The following ZBTB46 variants were observed in gnomAD, a reference collection of about 807,000 sequenced individuals.
ZBTB46 encodes the protein zinc finger and BTB domain containing 46, also known as zinc finger and BTB domain-containing protein 46.
Under a neutral mutation model 44.1 loss-of-function variants are expected in ZBTB46, and 8 were observed. That is an observed-to-expected ratio of 0.18 (90% CI 0.11 to 0.33). ZBTB46 has a LOEUF of 0.33. Ranked by LOEUF, ZBTB46 falls within the 10% of genes least tolerant of loss-of-function variation. The pLI, the probability that ZBTB46 is intolerant of heterozygous loss-of-function variation, is 1.00. For synonymous variants in ZBTB46, 409 were observed against 382.3 expected, an observed-to-expected ratio of 1.07 and a Z score of -0.81; for missense variants, 651 against 847.7, an observed-to-expected ratio of 0.77 and a Z score of 2.88.
intron 1 of ZBTB46, among the ~76,000 whole-genome samples, chr20:63,824,222 G>A (rs535805933): frequency 1.2e-4 from 18 of 152,208 alleles, no homozygotes; most frequent in African/African-American, 4.3e-4. Context: ...ATGGGAGGAG[G>A]AAGAAATGGG....
chr20:63,773,805 C>T (rs1033931032), intron 3 of ZBTB46, among the ~76,000 whole-genome samples: 6 of 152,322 alleles, frequency 3.9e-5, no homozygotes, highest in South Asian at 2.1e-4. Flanking sequence ...ACGTGCCCAG[C>T]GCTCCATCTG....
chr20:63,818,438 G>T (rs1262401263), intron 1 of ZBTB46, among the ~76,000 whole-genome samples: 2 of 152,260 alleles, frequency 1.3e-5, no homozygotes, highest in African/African-American at 2.4e-5. Context: ...TGCAGAGGGA[G>T]GGTGGGCCAG....
chr20:63,745,155 G>A lies in ZBTB46; in HGVS notation c.*1775C>T, dbSNP rs1213486184. On this transcript the variant is annotated 3_prime_UTR_variant, in exon 5 of 5. Coordinates refer to ENST00000245663, the MANE Select transcript of ZBTB46 (RefSeq NM_001369741.1). ...CAGAGCCACCCACCTTGCTCGGTAA[G>A]AGTGGGCAGGGCTCACCGCTGAGGG... is the stretch of plus-strand genomic sequence containing the variant. The A allele has an allele frequency of 6.6e-6, 1 of 152,336 alleles. No individual in the cohort carries two copies. Among genetic ancestry groups the A allele is most frequent in the Non-Finnish European group, 1.5e-5 (1 of 68,074 alleles). The allele number at this position is 152,336 out of a possible 1,614,324, so 9.4% of individuals were successfully genotyped here. A position where few individuals can be genotyped will look rare whatever the true frequency, so the allele number is the denominator to read the frequency against.
At chr20:63,753,196 C>G (rs1328918140) in intron 3 of ZBTB46, among the ~76,000 whole-genome samples, 1 of 152,210 alleles carries the variant, frequency 6.6e-6, no homozygotes, top group Non-Finnish European at 1.5e-5. Context: ...CTGCAGGACC[C>G]TCCTTCCAGC....
chr20:63,773,619 T>C (rs997519017), intron 3 of ZBTB46, among the ~76,000 whole-genome samples: 1 of 149,616 alleles, frequency 6.7e-6, no homozygotes, highest in African/African-American at 2.5e-5. Flanking sequence ...GAGGGAGGCC[T>C]GGGATCCCCC....
At chr20:63,769,127 G>T in intron 3 of ZBTB46, 1 of 925,852 alleles carries the variant, frequency 1.1e-6, no homozygotes, top group Non-Finnish European at 1.3e-6. Flanking sequence ...CCACCAAAGT[G>T]CCTCCTCGGA....
chr20:63,827,598 G>A (rs1449922775), intron 1 of ZBTB46, among the ~76,000 whole-genome samples: 7 of 140,506 alleles, frequency 5.0e-5, no homozygotes, highest in African/African-American at 8.1e-5. Flanking sequence ...CTGGGCGACA[G>A]AGCGAGACTC....
At chr20:63,772,732 CA>C (rs2092385786) in intron 3 of ZBTB46, among the ~76,000 whole-genome samples, 5 of 57,302 alleles carry the variant, frequency 8.7e-5, no homozygotes, top group Non-Finnish European at 1.7e-4. Context: ...AACACACACA[CA>C]CACACACACA....
chr20:63,766,088 C>G (rs922599905), intron 3 of ZBTB46, among the ~76,000 whole-genome samples: 1 of 152,114 alleles, frequency 6.6e-6, no homozygotes, highest in African/African-American at 2.4e-5. Context: ...AGGGTGTGCC[C>G]TGCCCATGAA....
intron 1 of ZBTB46, among the ~76,000 whole-genome samples, chr20:63,795,747 C>T (rs1443361545): frequency 6.6e-6 from 1 of 152,208 alleles, no homozygotes; most frequent in Admixed American, 6.5e-5. Context: ...GAATGACCAC[C>T]GGCAAACAGG....
chr20:63,769,462 T>G, intron 3 of ZBTB46: 3 of 983,746 alleles, frequency 3.0e-6, no homozygotes, highest in Non-Finnish European at 3.6e-6. Flanking sequence ...CCAGAAGCAC[T>G]GACGATCTTC....
Position 63,816,228 on chromosome 20 carries a change from G to A in ZBTB46, c.-34+14869C>T, listed in dbSNP as rs569959945. The A allele has an allele frequency of 2.9e-4, 67 of 232,904 alleles. 1 individual carries two copies. Among genetic ancestry groups the A allele is most frequent in the African/African-American group, 1.4e-3 (61 of 42,788 alleles). 14.4% of individuals were successfully genotyped at this position (232,904 alleles called of 1,614,324 possible). A position where few individuals can be genotyped will look rare whatever the true frequency, so the allele number is the denominator to read the frequency against. On this transcript the variant is annotated intron_variant, in intron 1 of 4. Transcript: ENST00000245663. ...AAGGCAAAGGGGGTGCCCAGAGGAG[G>A]GCCCGAGTCCTGCTTCGGATTGGGA...
intron 1 of ZBTB46, among the ~76,000 whole-genome samples, chr20:63,805,737 G>A (rs570289437): frequency 3.6e-4 from 54 of 151,168 alleles, no homozygotes; most frequent in African/African-American, 1.2e-3. Flanking sequence ...AATACACAAA[G>A]CCATGCATCA....
chr20:63,804,222 A>G (rs1306273324), intron 1 of ZBTB46, among the ~76,000 whole-genome samples: 1 of 152,114 alleles, frequency 6.6e-6, no homozygotes, highest in Non-Finnish European at 1.5e-5. Context: ...ACGCAGGGGA[A>G]GCCTGGAGCA....
chr20:63,804,309 G>A (rs1011015922), intron 1 of ZBTB46, among the ~76,000 whole-genome samples: 3 of 152,202 alleles, frequency 2.0e-5, no homozygotes, highest in African/African-American at 7.2e-5. Context: ...CACCCAGGAG[G>A]GGGCCGGGGC....
At chr20:63,779,777 C>A (rs564011310) in intron 2 of ZBTB46, among the ~76,000 whole-genome samples, 1 of 151,950 alleles carries the variant, frequency 6.6e-6, no homozygotes, top group African/African-American at 2.4e-5. Context: ...TCAGGCTGGT[C>A]TCAAACTCCC....
chr20:63,760,658 G>A (rs529552846), intron 3 of ZBTB46, among the ~76,000 whole-genome samples: 3 of 152,062 alleles, frequency 2.0e-5, no homozygotes, highest in Admixed American at 6.6e-5. Context: ...GGGTTTCACC[G>A]TGTTAGCCAG....
At chr20:63,822,431 C>T (rs1056345033) in intron 1 of ZBTB46, among the ~76,000 whole-genome samples, 1 of 152,184 alleles carries the variant, frequency 6.6e-6, no homozygotes, top group African/African-American at 2.4e-5. Flanking sequence ...AAACCCAGCC[C>T]TGGGACTGAT....
At chr20:63,797,400 C>T (rs2145961984) in intron 1 of ZBTB46, among the ~76,000 whole-genome samples, 1 of 146,886 alleles carries the variant, frequency 6.8e-6, no homozygotes, top group South Asian at 2.1e-4. Flanking sequence ...TCTGGTCTAT[C>T]ATTGATGGAT....
Sources: gnomAD v4.1 joint callset for allele counts (sites outside exome capture counted in the v4.1 genomes callset) on GRCh38, gnomAD v4.1.1 for gene constraint, MANE v1.5 for transcripts, NCBI Gene and HGNC (gene_info 2026-07-23, HGNC 2026-07-21) for gene names.